Variants in OR4D10 observed in about 807,000 individuals in gnomAD.
OR4D10 encodes olfactory receptor 4D10.
For missense variants in OR4D10, 395 were observed against 378.0 expected (o/e 1.04, Z -0.37); for synonymous variants, 188 against 153.2 (o/e 1.23, Z -1.68).
chr11:59,473,688 A>G (rs1017360328), intron 1 of OR4D10, 47 bp downstream of exon 1: 3 of 152,240 alleles, frequency 2.0e-5, no homozygotes, highest in Admixed American at 6.6e-5. Flanking sequence ...ATAGTGAAAC[A>G]GATGTTTTTA....
At position 59,477,370 on chromosome 11, in the gene OR4D10, A is replaced by G; in HGVS notation, c.-60A>G. On this transcript the variant is annotated 5_prime_UTR_variant, in exon 3 of 3. Coordinates refer to ENST00000530162, the MANE Select transcript of OR4D10 (RefSeq NM_001004705.2). The stretch of plus-strand genomic sequence containing the variant: ...GGTGTTTAGGAAGACAACAAAATAA[A>G]TATCCCAGTGCTTTCACATGACATG... 1 of 1,268,860 alleles carries G rather than the reference A, an allele frequency of 7.9e-7. No homozygotes were observed. Among genetic ancestry groups the G allele is most frequent in the Non-Finnish European group, 1.1e-6 (1 of 919,908 alleles). 78.6% of individuals were successfully genotyped at this position (1,268,860 alleles called of 1,614,324 possible).
chr11:59,477,258 C>A lies in OR4D10; in HGVS notation c.-168-4C>A. On this transcript the variant is annotated splice_region_variant and splice_polypyrimidine_tract_variant and intron_variant, in intron 2 of 2. Transcript: ENST00000530162. ...TACATATGATAATTTGATTTTATCA[C>A]CAGACTAACTGAAATCTGAAAAACG... 2.0e-6 allele frequency: 1 copy of A among 493,174 alleles called. No individual in the cohort carries two copies. The highest frequency in any genetic ancestry group is 3.5e-6 in the Non-Finnish European group (1 of 283,158). 30.5% of individuals were successfully genotyped at this position (493,174 alleles called of 1,614,324 possible). A position where few individuals can be genotyped will look rare whatever the true frequency, so the allele number is the denominator to read the frequency against.
chr11:59,477,785 C>T lies in OR4D10; in HGVS notation c.356C>T (p.Ala119Val). The T allele has an allele frequency of 6.2e-6, 10 of 1,614,058 alleles. No individual in the cohort carries two copies. Among genetic ancestry groups the T allele is most frequent in the Non-Finnish European group, 8.5e-6 (10 of 1,180,008 alleles). ...GATGTATTTTCTCTTTCGGTGATGG[C>T]ATTGGATCGATATGTGGCCATCTCC... Reference protein sequence around the residue: ...GVDVFSLSVMALDRYVAISKP... With the variant: ...GVDVFSLSVMVLDRYVAISKP... The change falls in exon 3 of 3, where the codon GCA becomes GTA. Residue 119 changes from alanine (A) to valine (V), a missense_variant. Physicochemically the swap from Ala to Val is moderately conservative, Grantham distance 64 (BLOSUM62 0). Coordinates refer to ENST00000530162, the MANE Select transcript of OR4D10 (RefSeq NM_001004705.2).
At chr11:59,476,970 T>A (rs1452409524) in intron 2 of OR4D10, among the ~76,000 whole-genome samples, 1 of 147,636 alleles carries the variant, frequency 6.8e-6, no homozygotes, top group Non-Finnish European at 1.5e-5. Context: ...GCCACAACAT[T>A]AAAAAAAAAA....
intron 2 of OR4D10, among the ~76,000 whole-genome samples, chr11:59,474,308 TACAAC>T (rs1437833541): frequency 6.6e-6 from 1 of 152,210 alleles, no homozygotes; most frequent in Non-Finnish European, 1.5e-5. Context: ...AATCTTCTCT[TACAAC>T]ACGTCTCACT....
chr11:59,478,634 G>T lies in OR4D10; in HGVS notation c.*269G>T, dbSNP rs1335223132. On this transcript the variant is annotated 3_prime_UTR_variant, in exon 3 of 3. Transcript: ENST00000530162. Reference sequence around the variant, plus strand: ...TCCATGGACTCCAAGTTCTGAAAGTGTTGCCTGCTGAATTGAATATATTTA... The same window carrying T: ...TCCATGGACTCCAAGTTCTGAAAGTTTTGCCTGCTGAATTGAATATATTTA... 1 of 315,730 alleles carries T rather than the reference G, an allele frequency of 3.2e-6. No homozygotes were observed. The highest frequency in any genetic ancestry group is 4.4e-5 in the Admixed American group (1 of 22,850). The allele number at this position is 315,730 out of a possible 1,614,324, so 19.6% of individuals were successfully genotyped here.
At chr11:59,476,915 CA>C (rs551034573) in intron 2 of OR4D10, among the ~76,000 whole-genome samples, 1 of 136,374 alleles carries the variant, frequency 7.3e-6, no homozygotes. Flanking sequence ...CTGTACAGGG[CA>C]AAAAAAAACT....
In OR4D10 at chr11:59,478,328, G is replaced by C; in HGVS notation, c.899G>C (p.Arg300Thr). ...RNHEMKSAMR[R>T]LKRRLVPSDR... is the part of the protein sequence containing the mutation. ...CATGAGATGAAGTCAGCCATGAGGA[G>C]ACTGAAGAGAAGACTTGTGCCTTCT... Residue 300 changes from arginine (R) to threonine (T), a missense_variant, in exon 3 of 3, where the codon AGA becomes ACA. Transcript: ENST00000530162. 1 of 1,609,926 alleles carries C rather than the reference G, an allele frequency of 6.2e-7. No individual in the cohort carries two copies.
Position 59,477,729 on chromosome 11 carries a change from G to A in OR4D10, c.300G>A (p.Gln100=). The A allele has an allele frequency of 6.2e-7, 1 of 1,614,112 alleles. No homozygotes were observed. Among genetic ancestry groups the A allele is most frequent in the Non-Finnish European group, 8.5e-7 (1 of 1,180,004 alleles). The stretch of plus-strand genomic sequence containing the variant: ...TCTCCTTCAATCATTGCTTCACTCA[G>A]ATGTTTCTATTCCACCTTATTGGAG... ...KTISFNHCFT[Q]MFLFHLIGGV... The change falls in exon 3 of 3, where the codon CAG becomes CAA. Residue 100 remains glutamine, a synonymous_variant. Transcript: ENST00000530162.
rs1262056208 is a variant in OR4D10, at chr11:59,478,500, A to C, written c.*135A>C. 14 of 597,594 alleles carry C rather than the reference A, an allele frequency of 2.3e-5. No individual in the cohort carries two copies. The highest frequency in any genetic ancestry group is 3.3e-5 in the Non-Finnish European group (12 of 368,492). The allele number at this position is 597,594 out of a possible 1,614,324, so 37.0% of individuals were successfully genotyped here. ...AATAATTAATTTTTCTATTTATGTTAGTAAGTAACTGATAAGCTTCTGGTC... is the reference window on the plus strand; with the variant it reads ...AATAATTAATTTTTCTATTTATGTTCGTAAGTAACTGATAAGCTTCTGGTC... On this transcript the variant is annotated 3_prime_UTR_variant, in exon 3 of 3. Transcript: ENST00000530162.
rs1858917930 is a variant in OR4D10 at position 59,477,376 on chromosome 11, C to G, written c.-54C>G. ...TAGGAAGACAACAAAATAAATATCCCAGTGCTTTCACATGACATGGTTTAA... is the reference window on the plus strand; with the variant it reads ...TAGGAAGACAACAAAATAAATATCCGAGTGCTTTCACATGACATGGTTTAA... On this transcript the variant is annotated 5_prime_UTR_variant, in exon 3 of 3. Coordinates refer to ENST00000530162, the MANE Select transcript of OR4D10 (RefSeq NM_001004705.2). 7 of 1,295,518 alleles carry G rather than the reference C, an allele frequency of 5.4e-6. No individual in the cohort carries two copies. Among genetic ancestry groups the G allele is most frequent in the Non-Finnish European group, 6.4e-6 (6 of 939,922 alleles). The allele number at this position is 1,295,518 out of a possible 1,614,324, so 80.3% of individuals were successfully genotyped here.
At chr11:59,474,930 G>A (rs1175040775) in intron 2 of OR4D10, among the ~76,000 whole-genome samples, 4 of 151,502 alleles carry the variant, frequency 2.6e-5, no homozygotes, top group Admixed American at 2.0e-4. Flanking sequence ...GCGTGGTGGC[G>A]TTCACCAGTA....
At chr11:59,476,931 A>T (rs1250160064) in intron 2 of OR4D10, among the ~76,000 whole-genome samples, 1 of 152,136 alleles carries the variant, frequency 6.6e-6, no homozygotes, top group African/African-American at 2.4e-5. Context: ...AAAACTGATA[A>T]TAATAATAGT....
intron 2 of OR4D10, among the ~76,000 whole-genome samples, chr11:59,475,867 T>A (rs1482104256): frequency 6.6e-6 from 1 of 152,228 alleles, no homozygotes; most frequent in Non-Finnish European, 1.5e-5. Flanking sequence ...GAAACTTACC[T>A]GAAAATTTTA....
Position 59,473,360 on chromosome 11 carries a change from C to T in OR4D10, c.-505C>T, listed in dbSNP as rs1858866030. 6.6e-6 allele frequency: 1 copy of T among 152,182 alleles called. No homozygotes were observed. The highest frequency in any genetic ancestry group is 2.4e-5 in the African/African-American group (1 of 41,458). 9.4% of individuals were successfully genotyped at this position (152,182 alleles called of 1,614,324 possible). A position where few individuals can be genotyped will look rare whatever the true frequency, so the allele number is the denominator to read the frequency against. On this transcript the variant is annotated 5_prime_UTR_variant, in exon 1 of 3. Transcript: ENST00000530162. Reference sequence around the variant, plus strand: ...AACAGCAAAATCAGCCACTTGACTTCTCTGTTGTCCAATAACATTCTCTTT... The same window carrying T: ...AACAGCAAAATCAGCCACTTGACTTTTCTGTTGTCCAATAACATTCTCTTT...
At position 59,477,652 on chromosome 11, in the gene OR4D10, T is replaced by A; in HGVS notation, c.223T>A (p.Ser75Thr). ...ATCTATTGCCGATATCTGCTTCTCT[T>A]CCATCACAGTGCCCAAGGTTCTGGT... is the stretch of plus-strand genomic sequence containing the variant. Reference protein sequence around the residue: ...NLSIADICFSSITVPKVLVDL... With the variant: ...NLSIADICFSTITVPKVLVDL... The change falls in exon 3 of 3, where the codon TCC (serine) becomes ACC (threonine). Residue 75 changes from serine (S) to threonine (T), a missense_variant. Coordinates refer to ENST00000530162, the MANE Select transcript of OR4D10 (RefSeq NM_001004705.2). 1 of 1,614,180 alleles carries A rather than the reference T, an allele frequency of 6.2e-7. No homozygotes were observed. The highest frequency in any genetic ancestry group is 8.5e-7 in the Non-Finnish European group (1 of 1,180,012).
In OR4D10 at chr11:59,477,576, T is replaced by C. The variant is rs772528372; in HGVS notation, c.147T>C (p.Val49=). 48 of 1,614,104 alleles carry C rather than the reference T, an allele frequency of 3.0e-5. No homozygotes were observed. The South Asian group carries it at 3.2e-4, about 11-fold the overall frequency. ...LLGNLLIMVT[V]TCESRLHTPM... ...GAAACCTCCTCATCATGGTCACTGT[T>C]ACCTGTGAATCTCGCCTTCACACGC... Residue 49 remains valine (V), a synonymous_variant, in exon 3 of 3, where the codon GTT becomes GTC. Transcript: ENST00000530162.
chr11:59,473,644 A>G lies in OR4D10; in HGVS notation c.-224+3A>G, dbSNP rs1211154279. On this transcript the variant is annotated splice_donor_region_variant and intron_variant, in intron 1 of 2. Coordinates refer to ENST00000530162, the MANE Select transcript of OR4D10 (RefSeq NM_001004705.2). ...AGTTTTGGGATCAAAGGAACTAGGT[A>G]AAGACAAACTTCTAGCTAAGGTTAA... 1 of 152,244 alleles carries G rather than the reference A, an allele frequency of 6.6e-6. No individual in the cohort carries two copies. Among genetic ancestry groups the G allele is most frequent in the Non-Finnish European group, 1.5e-5 (1 of 68,048 alleles). The allele number at this position is 152,244 out of a possible 1,614,324, so 9.4% of individuals were successfully genotyped here. A position where few individuals can be genotyped will look rare whatever the true frequency, so the allele number is the denominator to read the frequency against.
intron 1 of OR4D10, 24 bp downstream of exon 1, chr11:59,473,665 G>T (rs1858868566): frequency 6.6e-6 from 1 of 152,222 alleles, no homozygotes; most frequent in African/African-American, 2.4e-5. Flanking sequence ...TCTAGCTAAG[G>T]TTAAGGTTAT....
Sources: allele counts gnomAD v4.1 joint callset (sites outside exome capture counted in the v4.1 genomes callset), GRCh38; gene constraint gnomAD v4.1.1; transcripts MANE v1.5; gene names NCBI Gene and HGNC (gene_info 2026-07-23, HGNC 2026-07-21).